The following KLHL29 variants were observed in gnomAD, a reference collection of about 807,000 sequenced individuals.
KLHL29 encodes kelch like family member 29.
A neutral mutation model predicts 80.4 loss-of-function variants in KLHL29; 21 were observed. That is an observed-to-expected ratio of 0.26 (90% CI 0.19 to 0.38). The LOEUF is 0.38. Ranked by LOEUF, KLHL29 falls within the 10% of genes least tolerant of loss-of-function variation. KLHL29 has a pLI of 1.00. For missense variants in KLHL29, 867 were observed against 1,223.9 expected, an observed-to-expected ratio of 0.71 and a Z score of 4.35; for synonymous variants, 511 against 526.8, an observed-to-expected ratio of 0.97 and a Z score of 0.41.
chr2:23,441,878 T>G (rs774379709), intron 1 of KLHL29, among the ~76,000 whole-genome samples: 16 of 152,178 alleles, frequency 1.1e-4, no homozygotes, highest in Non-Finnish European at 1.5e-4. Flanking sequence ...AGCCTCTGCT[T>G]GTATCATGTT....
intron 3 of KLHL29, among the ~76,000 whole-genome samples, chr2:23,573,741 T>A (rs1391217929): frequency 1.3e-5 from 2 of 152,228 alleles, no homozygotes; most frequent in Non-Finnish European, 2.9e-5. Flanking sequence ...GGCGACCGTT[T>A]TTCCTTAACA....
At chr2:23,550,279 G>A (rs925679847) in intron 2 of KLHL29, among the ~76,000 whole-genome samples, 1 of 152,166 alleles carries the variant, frequency 6.6e-6, no homozygotes, top group African/African-American at 2.4e-5. Context: ...GGAAAGGGGG[G>A]CACGAAGGCC....
chr2:23,620,614 A>T (rs1344489703), intron 3 of KLHL29, among the ~76,000 whole-genome samples: 3 of 152,132 alleles, frequency 2.0e-5, no homozygotes, highest in Non-Finnish European at 2.9e-5. Context: ...GAGAGAGCAG[A>T]GGCCAGTCCG....
chr2:23,435,145 G>A (rs1663302578), intron 1 of KLHL29, among the ~76,000 whole-genome samples: 1 of 152,232 alleles, frequency 6.6e-6, no homozygotes, highest in African/African-American at 2.4e-5. Context: ...GGCAACATTG[G>A]AGTGTGGTCT....
chr2:23,643,083 G>C (rs1452772415), intron 5 of KLHL29: 2 of 670,816 alleles, frequency 3.0e-6, no homozygotes, highest in African/African-American at 1.8e-5. Context: ...GCCGGGGTAA[G>C]AAGAGGAAGG....
chr2:23,580,179 G>A (rs1407705261), intron 3 of KLHL29, among the ~76,000 whole-genome samples: 1 of 151,968 alleles, frequency 6.6e-6, no homozygotes, highest in Admixed American at 6.6e-5. Flanking sequence ...GACCATCCTG[G>A]CTAACATGGT....
chr2:23,568,301 C>G (rs927521406), intron 3 of KLHL29, among the ~76,000 whole-genome samples: 1 of 152,186 alleles, frequency 6.6e-6, no homozygotes, highest in African/African-American at 2.4e-5. Context: ...GATAATACCC[C>G]CAAAACCTGG....
At chr2:23,642,117 G>T (rs901445657) in intron 4 of KLHL29, among the ~76,000 whole-genome samples, 5 of 152,122 alleles carry the variant, frequency 3.3e-5, no homozygotes, top group Non-Finnish European at 7.4e-5. Context: ...TCCCAGGCAG[G>T]CCTCACTTCC....
At chr2:23,465,629 T>C (rs1048728078) in intron 1 of KLHL29, among the ~76,000 whole-genome samples, 8 of 152,184 alleles carry the variant, frequency 5.3e-5, no homozygotes, top group African/African-American at 1.9e-4. Flanking sequence ...TCCTGTCTCA[T>C]ACCCTAGTGC....
Position 23,695,917 on chromosome 2 carries a change from T to C in KLHL29, c.1742-34T>C, listed in dbSNP as rs1007980125. ...GGCACAGATGCCGACAGTCTTAGAGTGTGTCCCAAGGGCGCCCATCCATGT... is the reference window on the plus strand; with the variant it reads ...GGCACAGATGCCGACAGTCTTAGAGCGTGTCCCAAGGGCGCCCATCCATGT... On this transcript the variant is annotated intron_variant, in intron 9 of 13. Transcript: ENST00000486442. The surrounding 1 kb of genome is among the most constrained non-coding windows in gnomAD (Gnocchi z 7.6). The C allele has an allele frequency of 1.3e-5, 20 of 1,545,488 alleles. No individual in the cohort carries two copies. The Admixed American group carries it at 3.7e-4, about 29-fold the overall frequency.
chr2:23,703,256 A>G lies in KLHL29; in HGVS notation c.2176A>G (p.Thr726Ala), dbSNP rs1672506075. The G allele has an allele frequency of 1.9e-6, 3 of 1,546,044 alleles. No individual in the cohort carries two copies. The highest frequency in any genetic ancestry group is 2.6e-6 in the Non-Finnish European group (3 of 1,144,242). ...CAAGGCAGTACACTCTGCTGCAGCC[A>G]CAGTGTGTGGCGGCAAGATCTACGT... ...LPKAVHSAAATVCGGKIYVFG... is the reference protein window; with the variant it reads ...LPKAVHSAAAAVCGGKIYVFG... The change falls in exon 12 of 14, where the codon ACA becomes GCA. Residue 726 changes from threonine to alanine, a missense_variant. Transcript: ENST00000486442.
chr2:23,603,756 G>C (rs1338863727), intron 3 of KLHL29, among the ~76,000 whole-genome samples: 1 of 152,216 alleles, frequency 6.6e-6, no homozygotes, highest in Non-Finnish European at 1.5e-5. Flanking sequence ...GCCAGGCCGA[G>C]GAGCCCTGGT....
At chr2:23,605,098 C>T (rs1228940691) in intron 3 of KLHL29, among the ~76,000 whole-genome samples, 1 of 143,058 alleles carries the variant, frequency 7.0e-6, no homozygotes, top group Non-Finnish European at 1.5e-5. Flanking sequence ...TGTTCTTTTT[C>T]CTTTGTTGCT....
At chr2:23,645,312 A>C (rs905296948) in intron 5 of KLHL29, among the ~76,000 whole-genome samples, 4 of 152,120 alleles carry the variant, frequency 2.6e-5, no homozygotes, top group Admixed American at 6.5e-5. Flanking sequence ...GTGGGCTTGG[A>C]TCTGGGTCAC....
rs140535463 is a variant in KLHL29 at position 23,504,793 on chromosome 2, C to A, written c.-46+29126C>A. On this transcript the variant is annotated intron_variant, in intron 2 of 13. Transcript: ENST00000486442. The stretch of plus-strand genomic sequence containing the variant: ...GCACAAGCCAGGAGCCGTGGCAGCT[C>A]CCCTCAGTCTGCTCAGGGGCCTTGT... Among the ~76,000 whole-genome samples the A allele has an allele frequency of 6.0e-3, 908 of 152,338 alleles. 7 individuals carry two copies. Among genetic ancestry groups the A allele is most frequent in the African/African-American group, 0.021 (855 of 41,576 alleles).
intron 4 of KLHL29, among the ~76,000 whole-genome samples, chr2:23,639,879 C>A (rs1198337061): frequency 6.6e-6 from 1 of 152,190 alleles, no homozygotes; most frequent in Non-Finnish European, 1.5e-5. Context: ...GGAATAAACA[C>A]ACCAGGCCAT....
At chr2:23,479,288 C>T (rs1478515861) in intron 2 of KLHL29, among the ~76,000 whole-genome samples, 2 of 151,876 alleles carry the variant, frequency 1.3e-5, no homozygotes, top group Non-Finnish European at 2.9e-5. Context: ...CAGCCGAACC[C>T]TCAGCCCTAC....
At chr2:23,690,804 G>C (rs1050107691) in intron 6 of KLHL29, 1 of 152,270 alleles carries the variant, frequency 6.6e-6, no homozygotes, top group Non-Finnish European at 1.5e-5. Flanking sequence ...CCAGGCCTTA[G>C]GAGCCTTTGC....
intron 2 of KLHL29, among the ~76,000 whole-genome samples, chr2:23,495,725 G>A (rs923974879): frequency 6.6e-6 from 1 of 152,198 alleles, no homozygotes; most frequent in African/African-American, 2.4e-5. Flanking sequence ...GGCTCCGGGG[G>A]TTGACACCCC....
Sources: gnomAD v4.1 joint callset for allele counts (sites outside exome capture counted in the v4.1 genomes callset) on GRCh38, gnomAD v4.1.1 for gene constraint, Gnocchi (gnomAD v3.1) non-coding constraint, MANE v1.5 for transcripts, NCBI Gene and HGNC (gene_info 2026-07-23, HGNC 2026-07-21) for gene names.